The following NDUFV2 variants were observed in gnomAD, a reference collection of about 807,000 sequenced individuals.
The protein encoded by NDUFV2 is NADH:ubiquinone oxidoreductase core subunit V2, also known as NADH dehydrogenase [ubiquinone] flavoprotein 2, mitochondrial.
A neutral mutation model predicts 31.6 loss-of-function variants in NDUFV2; 18 were observed. The observed-to-expected ratio is 0.57, with a 90% CI of 0.39 to 0.84. The LOEUF (loss-of-function observed/expected upper bound fraction) is 0.84. Ranked by LOEUF, NDUFV2 falls within the 40% of genes least tolerant of loss-of-function variation. The pLI is 0.00. For synonymous variants in NDUFV2, 83 were observed against 99.8 expected, an observed-to-expected ratio of 0.83 and a Z score of 1.01; for missense variants, 314 against 303.6, an observed-to-expected ratio of 1.03 and a Z score of -0.26.
intron 7 of NDUFV2, among the ~76,000 whole-genome samples, chr18:9,127,166 T>C (rs996932624): frequency 3.9e-5 from 6 of 152,212 alleles, no homozygotes; most frequent in African/African-American, 1.4e-4. Context: ...TAAAAGTTCA[T>C]ACTGATAGAA....
chr18:9,121,059 GAT>G (rs2077931827), intron 4 of NDUFV2, among the ~76,000 whole-genome samples: 1 of 152,096 alleles, frequency 6.6e-6, no homozygotes, highest in South Asian at 2.1e-4. Flanking sequence ...GCCTGGGCAA[GAT>G]GGTGAGACCC....
intron 5 of NDUFV2, 25 bp downstream of exon 5, chr18:9,122,706 C>A: frequency 6.2e-7 from 1 of 1,610,926 alleles, no homozygotes; most frequent in East Asian, 2.2e-5. Context: ...ATATTTGTAA[C>A]ACTGATAAAA....
intron 7 of NDUFV2, among the ~76,000 whole-genome samples, chr18:9,130,631 G>A (rs1275157932): frequency 2.0e-5 from 3 of 151,994 alleles, no homozygotes; most frequent in Non-Finnish European, 2.9e-5. Flanking sequence ...ACAGAGACTG[G>A]GATAGCAATA....
chr18:9,129,444 ATGAATACAAT>A (rs2078021536), intron 7 of NDUFV2, among the ~76,000 whole-genome samples: 1 of 152,180 alleles, frequency 6.6e-6, no homozygotes, highest in Admixed American at 6.5e-5. Flanking sequence ...ATTTTAGGTT[ATGAATACAAT>A]TATGAACAAG....
At position 9,134,324 on chromosome 18, in the gene NDUFV2, A is replaced by T; in HGVS notation, c.*45A>T. On this transcript the variant is annotated 3_prime_UTR_variant, in exon 8 of 8. Transcript: ENST00000318388. ...ATGTCACTAGAGAAATAAAATATGG[A>T]CTTCCAATCTACGTAAACTTATTTG... The T allele has an allele frequency of 7.2e-7, 1 of 1,385,390 alleles. No homozygotes were observed. Among genetic ancestry groups the T allele is most frequent in the Middle Eastern group, 2.5e-4 (1 of 4,004 alleles). The allele number at this position is 1,385,390 out of a possible 1,614,324, so 85.8% of individuals were successfully genotyped here.
At chr18:9,116,528 C>T (rs2077898988) in intron 1 of NDUFV2, among the ~76,000 whole-genome samples, 1 of 152,158 alleles carries the variant, frequency 6.6e-6, no homozygotes, top group Admixed American at 6.5e-5. Flanking sequence ...ACAATCAAAG[C>T]CCCCTTGTGC....
intron 1 of NDUFV2, among the ~76,000 whole-genome samples, chr18:9,110,907 G>C (rs2077866757): frequency 1.3e-5 from 2 of 152,280 alleles, no homozygotes; most frequent in South Asian, 4.1e-4. Context: ...TGTTATGCTA[G>C]TGTGTATACG....
In NDUFV2 at chr18:9,107,017, C is replaced by T. The variant is rs559465840; in HGVS notation, c.54+4220C>T. On this transcript the variant is annotated intron_variant, in intron 1 of 7. Coordinates refer to ENST00000318388, the MANE Select transcript of NDUFV2 (RefSeq NM_021074.5). ...CAGGATAATCTCCCTATTTTAAGGTCGGCTGATTAGCAGCCTTAATTCTCT... is the reference window on the plus strand; with the variant it reads ...CAGGATAATCTCCCTATTTTAAGGTTGGCTGATTAGCAGCCTTAATTCTCT... 3.3e-5 allele frequency among the ~76,000 whole-genome samples: 5 copies of T among 152,012 alleles called. No homozygotes were observed. In the South Asian group the frequency reaches 8.3e-4, roughly 25 times the overall value.
At chr18:9,117,603 C>T in intron 1 of NDUFV2, 1 of 470,570 alleles carries the variant, frequency 2.1e-6, no homozygotes, top group Admixed American at 3.4e-5. Flanking sequence ...TCTGGGTTGT[C>T]CTGGTTCTCC....
chr18:9,117,387 A>G (rs1006533295), intron 1 of NDUFV2: 1 of 156,198 alleles, frequency 6.4e-6, no homozygotes, highest in Non-Finnish European at 1.4e-5. Context: ...AAAGGATTGA[A>G]AAGGAAGGAG....
At chr18:9,134,116 A>T (rs2078063773) in intron 7 of NDUFV2, 70 bp from the exon 8 acceptor site, 1 of 1,177,670 alleles carries the variant, frequency 8.5e-7, no homozygotes, top group Admixed American at 1.7e-5. Flanking sequence ...CTTGTGAGGT[A>T]ACCATTACAA....
intron 7 of NDUFV2, among the ~76,000 whole-genome samples, chr18:9,127,748 A>G (rs375129114): frequency 3.3e-4 from 50 of 152,350 alleles, no homozygotes; most frequent in African/African-American, 1.2e-3. Flanking sequence ...CTGGGATTAC[A>G]GGCATGAGCC....
At chr18:9,123,573 A>G (rs1017737352) in intron 5 of NDUFV2, among the ~76,000 whole-genome samples, 1 of 151,880 alleles carries the variant, frequency 6.6e-6, no homozygotes, top group Non-Finnish European at 1.5e-5. Context: ...GCAGCCTCCA[A>G]TTCCTGGGCT....
chr18:9,113,944 T>C (rs545472424), intron 1 of NDUFV2, among the ~76,000 whole-genome samples: 97 of 152,332 alleles, frequency 6.4e-4, no homozygotes, highest in African/African-American at 2.2e-3. Context: ...TGGCTTGTCC[T>C]GCTACAATGG....
chr18:9,124,485 G>C lies in NDUFV2; in HGVS notation c.470-389G>C, dbSNP rs1450404248. ...TTTTTTGGAGATGGAGTCTTGCTCT[G>C]TTGCCCAGGCTGGAGTGCAGTGGCG... is the stretch of plus-strand genomic sequence containing the variant. On this transcript the variant is annotated intron_variant, in intron 5 of 7. Coordinates refer to ENST00000318388, the MANE Select transcript of NDUFV2 (RefSeq NM_021074.5). Among the ~76,000 whole-genome samples the C allele has an allele frequency of 2.5e-5, 3 of 120,066 alleles. No homozygotes were observed. The East Asian group carries it at 7.2e-4, about 29-fold the overall frequency. 78.8% of individuals were successfully genotyped at this position (120,066 alleles called of 152,430 possible).
intron 1 of NDUFV2, among the ~76,000 whole-genome samples, chr18:9,113,707 A>G (rs2077883037): frequency 6.6e-6 from 1 of 152,224 alleles, no homozygotes; most frequent in Admixed American, 6.5e-5. Flanking sequence ...GATTACAGAC[A>G]TTGTATAGAA....
At chr18:9,110,250 C>G (rs1478032028) in intron 1 of NDUFV2, among the ~76,000 whole-genome samples, 1 of 151,908 alleles carries the variant, frequency 6.6e-6, no homozygotes, top group Non-Finnish European at 1.5e-5. Context: ...TTGAAATGGC[C>G]CAGTAAGTAG....
At chr18:9,105,016 G>A in intron 1 of NDUFV2, 1 of 1,508,676 alleles carries the variant, frequency 6.6e-7, no homozygotes, top group Non-Finnish European at 9.0e-7. Context: ...CTTTTGTAAT[G>A]TATTCTGAAC....
At position 9,114,186 on chromosome 18, in the gene NDUFV2, T is replaced by TC. The variant is rs367554896; in HGVS notation, c.55-3648dup. ...TTCTACCAGCCTATTTCTTCCTCCT[T>TC]CCCCACTTTCTTTAACTAAAAGAGA... is the stretch of plus-strand genomic sequence containing the variant. On this transcript the variant is annotated intron_variant, in intron 1 of 7. Transcript: ENST00000318388. Among the ~76,000 whole-genome samples, 220 of 152,316 alleles carry TC rather than the reference T, an allele frequency of 1.4e-3. 1 individual carries two copies. The highest frequency in any genetic ancestry group is 5.1e-3 in the African/African-American group (214 of 41,578).
Sources: allele counts gnomAD v4.1 joint callset (sites outside exome capture counted in the v4.1 genomes callset), GRCh38; gene constraint gnomAD v4.1.1; transcripts MANE v1.5; gene names NCBI Gene and HGNC (gene_info 2026-07-23, HGNC 2026-07-21).